The following CNTLN variants were observed in gnomAD, a reference collection of about 807,000 sequenced individuals.
CNTLN encodes centlein, centrosomal protein.
CNTLN carries 212 observed loss-of-function variants against 180.0 expected under a neutral mutation model. The observed-to-expected ratio is 1.18, with a 90% confidence interval of 1.05 to 1.32. The LOEUF is 1.32. CNTLN is among the 40% of genes most tolerant of loss of function. The pLI, the probability that CNTLN is intolerant of heterozygous loss-of-function variation, is 0.00. For missense variants in CNTLN, 2,095 were observed against 1,610.9 expected, an observed-to-expected ratio of 1.30 and a Z score of -5.14; for synonymous variants, 722 against 563.1, an observed-to-expected ratio of 1.28 and a Z score of -3.99.
At chr9:17,404,504 C>G (rs1278724126) in intron 15 of CNTLN, among the ~76,000 whole-genome samples, 4 of 151,584 alleles carry the variant, frequency 2.6e-5, no homozygotes, top group Admixed American at 2.0e-4. Context: ...ATTCCCTATA[C>G]TGAGCTAAAA....
intron 2 of CNTLN, among the ~76,000 whole-genome samples, chr9:17,154,802 C>G (rs373891988): frequency 1.3e-5 from 2 of 152,150 alleles, no homozygotes; most frequent in Non-Finnish European, 2.9e-5. Flanking sequence ...ATTATCAGGA[C>G]GTGGGCGGGG....
At chr9:17,409,532 A>G in intron 16 of CNTLN, 59 bp downstream of exon 16, 1 of 1,233,130 alleles carries the variant, frequency 8.1e-7, no homozygotes, top group Non-Finnish European at 1.1e-6. Context: ...CTTATGCTTT[A>G]TAACTTAAGT....
chr9:17,157,517 A>G (rs1819379260), intron 2 of CNTLN, among the ~76,000 whole-genome samples: 2 of 152,186 alleles, frequency 1.3e-5, no homozygotes, highest in African/African-American at 2.4e-5. Flanking sequence ...TGACTGGGCC[A>G]TCAGATGCCC....
intron 6 of CNTLN, among the ~76,000 whole-genome samples, chr9:17,293,788 G>C (rs1374627486): frequency 6.6e-6 from 1 of 152,118 alleles, no homozygotes; most frequent in Non-Finnish European, 1.5e-5. Context: ...CCAGCCCATT[G>C]GCTGCTGAGA....
chr9:17,329,690 A>T (rs575293265), intron 8 of CNTLN, among the ~76,000 whole-genome samples: 1 of 151,816 alleles, frequency 6.6e-6, no homozygotes, highest in Non-Finnish European at 1.5e-5. Flanking sequence ...TTGGAAAAGG[A>T]TGATGTTTCC....
At chr9:17,474,812 G>A (rs1280822699) in intron 23 of CNTLN, among the ~76,000 whole-genome samples, 1 of 151,012 alleles carries the variant, frequency 6.6e-6, no homozygotes, top group Non-Finnish European at 1.5e-5. Context: ...AGGTCGCAGT[G>A]AGCCAAGATC....
At chr9:17,378,266 G>A (rs925597133) in intron 13 of CNTLN, among the ~76,000 whole-genome samples, 2 of 152,084 alleles carry the variant, frequency 1.3e-5, no homozygotes, top group Non-Finnish European at 2.9e-5. Context: ...TGCAACCTCC[G>A]ATTCCCTGGT....
the CNTLN span, among the ~76,000 whole-genome samples, chr9:17,524,721 C>T: frequency 1.3e-5 from 2 of 152,188 alleles, no homozygotes; most frequent in African/African-American, 4.8e-5. Context: ...AAATCCTTCT[C>T]TTTGTTAATT....
intron 8 of CNTLN, among the ~76,000 whole-genome samples, chr9:17,310,621 A>G (rs901610599): frequency 6.6e-6 from 1 of 152,220 alleles, no homozygotes; most frequent in South Asian, 2.1e-4. Context: ...AAGTGTGAAA[A>G]TGTTACTTTT....
rs150256113 is a variant in CNTLN at position 17,457,238 on chromosome 9, C to G, written c.3115-286C>G. ...ATCAAATATGTGAATGTCTGGCTCA[C>G]CCATGTATGTGTGAAGGTAAAGAAA... is the stretch of plus-strand genomic sequence containing the variant. On this transcript the variant is annotated intron_variant, in intron 18 of 25. Transcript: ENST00000380647. 3.4e-3 allele frequency among the ~76,000 whole-genome samples: 513 copies of G among 152,166 alleles called. 2 individuals are homozygous for G. Among genetic ancestry groups the G allele is most frequent in the African/African-American group, 0.012 (492 of 41,548 alleles).
At chr9:17,329,608 CAT>C (rs1349407548) in intron 8 of CNTLN, among the ~76,000 whole-genome samples, 1 of 151,766 alleles carries the variant, frequency 6.6e-6, no homozygotes, top group East Asian at 1.9e-4. Context: ...TGGTCCCTCT[CAT>C]TATACAAATT....
At chr9:17,228,670 A>G (rs1824628367) in intron 3 of CNTLN, among the ~76,000 whole-genome samples, 1 of 152,100 alleles carries the variant, frequency 6.6e-6, no homozygotes, top group Non-Finnish European at 1.5e-5. Context: ...TTAGTCTCAT[A>G]CAGACGACTG....
At chr9:17,493,939 T>C (rs10738478) in intron 25 of CNTLN, among the ~76,000 whole-genome samples, 51,248 of 152,052 alleles carry the variant, frequency 0.34, 9,283 homozygotes, top group East Asian at 0.51. Flanking sequence ...CTGTCTCACG[T>C]TAGCATGAGA....
At chr9:17,159,808 T>G (rs78647400) in intron 2 of CNTLN, among the ~76,000 whole-genome samples, 3,143 of 152,270 alleles carry the variant, frequency 0.021, 108 homozygotes, top group African/African-American at 0.072. Context: ...TTCATACTGA[T>G]TGATAGATTT....
the CNTLN span, among the ~76,000 whole-genome samples, chr9:17,508,978 C>G: frequency 1.3e-5 from 2 of 152,168 alleles, 1 homozygote; most frequent in African/African-American, 4.8e-5. Context: ...GTCATGCTCA[C>G]CAAAGGGTGA....
At chr9:17,516,487 C>T in the CNTLN span, among the ~76,000 whole-genome samples, 1 of 152,162 alleles carries the variant, frequency 6.6e-6, no homozygotes, top group African/African-American at 2.4e-5. Flanking sequence ...ACTTTATACC[C>T]TTAGGTTCAA....
intron 2 of CNTLN, among the ~76,000 whole-genome samples, chr9:17,218,688 A>G (rs1163043897): frequency 1.3e-5 from 2 of 152,178 alleles, no homozygotes; most frequent in Non-Finnish European, 2.9e-5. Flanking sequence ...CGTTAGTCCA[A>G]TAAATAGCTT....
intron 18 of CNTLN, among the ~76,000 whole-genome samples, chr9:17,439,403 G>A (rs1829977150): frequency 6.6e-6 from 1 of 151,994 alleles, no homozygotes; most frequent in African/African-American, 2.4e-5. Flanking sequence ...ACTTTAAAAA[G>A]TTAACTTAAA....
Position 17,409,338 on chromosome 9 carries a change from T to C in CNTLN, c.2661T>C (p.Ile887=), listed in dbSNP as rs1392316726. ...AQTSQTLGTI[I]VETSQKISPT... ...CCTCTCAAACTTTGGGAACAATTAT[T>C]GTAGAAACATCCCAGAAAATAAGTC... The change falls in exon 16 of 26, where the codon ATT becomes ATC. Residue 887 remains isoleucine, a synonymous_variant. Transcript: ENST00000380647. 10 of 1,613,388 alleles carry C rather than the reference T, an allele frequency of 6.2e-6. No homozygotes were observed. Among genetic ancestry groups the C allele is most frequent in the Non-Finnish European group, 7.6e-6 (9 of 1,179,682 alleles).
Sources: gnomAD v4.1 joint callset for allele counts (sites outside exome capture counted in the v4.1 genomes callset) on GRCh38, gnomAD v4.1.1 for gene constraint, MANE v1.5 for transcripts, NCBI Gene and HGNC (gene_info 2026-07-23, HGNC 2026-07-21) for gene names.